Variants in ANKS3 observed in about 807,000 individuals in gnomAD.
ANKS3 encodes ankyrin repeat and sterile alpha motif domain containing 3.
Under a neutral mutation model 80.7 loss-of-function variants are expected in ANKS3, and 62 were observed. That is an observed-to-expected ratio of 0.77 (90% CI 0.63 to 0.95). The LOEUF is 0.95. Ranked by LOEUF, ANKS3 falls within the 40% of genes least tolerant of loss-of-function variation. The pLI, the probability that ANKS3 is intolerant of heterozygous loss-of-function variation, is 0.00. For missense variants in ANKS3, 1,150 were observed against 883.6 expected (o/e 1.30, Z -3.82); for synonymous variants, 489 against 355.3 (o/e 1.38, Z -4.23).
intron 7 of ANKS3, among the ~76,000 whole-genome samples, chr16:4,712,433 A>C (rs888706416): frequency 6.6e-6 from 1 of 152,160 alleles, no homozygotes; most frequent in Non-Finnish European, 1.5e-5. Context: ...CTTATGACTG[A>C]ATATCCATAG....
intron 3 of ANKS3, 60 bp downstream of exon 3, chr16:4,729,920 G>A (rs559711679): frequency 2.8e-5 from 38 of 1,379,448 alleles, no homozygotes; most frequent in Admixed American, 2.6e-5. Context: ...CCATCACGTG[G>A]GATCGAAGCC....
At chr16:4,731,102 G>A (rs2081593414) in intron 2 of ANKS3, among the ~76,000 whole-genome samples, 2 of 152,144 alleles carry the variant, frequency 1.3e-5, no homozygotes, top group Admixed American at 6.5e-5. Flanking sequence ...GAAGAAGCCT[G>A]CCTACAGTAT....
rs768027170 is a variant in ANKS3, at chr16:4,726,304, C to T, written c.491+355G>A. Reference sequence around the variant, plus strand: ...TGACTGTTTCAAAGCATCACCTCACCTCATCCATACAAAAAGCAAGAAAAT... The same window carrying T: ...TGACTGTTTCAAAGCATCACCTCACTTCATCCATACAAAAAGCAAGAAAAT... On this transcript the variant is annotated intron_variant, in intron 5 of 17. Coordinates refer to ENST00000304283, the MANE Select transcript of ANKS3 (RefSeq NM_133450.4). Among the ~76,000 whole-genome samples, 41 of 143,844 alleles carry T rather than the reference C, an allele frequency of 2.9e-4. No homozygotes were observed. In the Admixed American group the frequency reaches 2.9e-3, roughly 10 times the overall value. The allele number at this position is 143,844 out of a possible 152,430, so 94.4% of individuals were successfully genotyped here.
chr16:4,698,144 G>C, intron 14 of ANKS3, 82 bp from the exon 15 acceptor site: 5 of 1,441,892 alleles, frequency 3.5e-6, no homozygotes, highest in Non-Finnish European at 4.7e-6. Flanking sequence ...CTAGGGGAGG[G>C]AGGGGCTCAG....
chr16:4,733,827 G>C (rs1205675063), intron 1 of ANKS3, 111 bp downstream of exon 1: 1 of 678,596 alleles, frequency 1.5e-6, no homozygotes, highest in Non-Finnish European at 1.8e-6. Flanking sequence ...CACGCCCACA[G>C]AGGAGGTCTG....
intron 3 of ANKS3, 42 bp downstream of exon 3, chr16:4,729,938 C>T (rs369755503): frequency 9.0e-6 from 13 of 1,442,410 alleles, no homozygotes; most frequent in East Asian, 2.5e-5. Flanking sequence ...GCCATCACTG[C>T]GCTGCTCAAA....
chr16:4,716,606 G>A (rs998806297), intron 6 of ANKS3, among the ~76,000 whole-genome samples: 3 of 151,940 alleles, frequency 2.0e-5, no homozygotes, highest in Non-Finnish European at 4.4e-5. Flanking sequence ...AATTACCTAT[G>A]AGACTTTGTG....
At position 4,696,758 on chromosome 16, in the gene ANKS3, C is replaced by T. The variant is rs1596334362; in HGVS notation, c.*150G>A. Reference sequence around the variant, plus strand: ...GCCAGGGCCGCAGCCCCCGTCTTGCCTCTGTCTGCCGGCTGCTCCCGGGGC... The same window carrying T: ...GCCAGGGCCGCAGCCCCCGTCTTGCTTCTGTCTGCCGGCTGCTCCCGGGGC... On this transcript the variant is annotated 3_prime_UTR_variant, in exon 18 of 18. Transcript: ENST00000304283. 1 of 549,106 alleles carries T rather than the reference C, an allele frequency of 1.8e-6. No homozygotes were observed. The highest frequency in any genetic ancestry group is 2.1e-5 in the South Asian group (1 of 48,596). 34.0% of individuals were successfully genotyped at this position (549,106 alleles called of 1,614,324 possible).
At chr16:4,721,761 C>T (rs2081113884) in intron 6 of ANKS3, among the ~76,000 whole-genome samples, 2 of 151,082 alleles carry the variant, frequency 1.3e-5, no homozygotes, top group African/African-American at 4.8e-5. Context: ...GTCTCAGCCT[C>T]CCAAGTAGCT....
At chr16:4,730,263 G>A in intron 2 of ANKS3, 112 bp from the exon 3 acceptor site, 1 of 1,022,232 alleles carries the variant, frequency 9.8e-7, no homozygotes, top group Non-Finnish European at 1.3e-6. Flanking sequence ...ATAACCCAGT[G>A]CAGTCAACCC....
intron 6 of ANKS3, among the ~76,000 whole-genome samples, chr16:4,723,171 A>T (rs2081188567): frequency 6.6e-6 from 1 of 152,164 alleles, no homozygotes; most frequent in South Asian, 2.1e-4. Flanking sequence ...TAAAGATATA[A>T]TCCACATACC....
chr16:4,700,072 A>C (rs1282947932), intron 11 of ANKS3: 2 of 152,512 alleles, frequency 1.3e-5, no homozygotes, highest in African/African-American at 4.8e-5. Flanking sequence ...GGCAAATCCA[A>C]GGCTCTACTG....
At chr16:4,724,920 C>T (rs2081280900) in intron 5 of ANKS3, 89 bp from the exon 6 acceptor site, 1 of 1,091,720 alleles carries the variant, frequency 9.2e-7, no homozygotes, top group Non-Finnish European at 1.4e-6. Flanking sequence ...CTGAGCAGTG[C>T]ACGAGTCACC....
intron 6 of ANKS3, among the ~76,000 whole-genome samples, chr16:4,722,077 G>C (rs2081130593): frequency 6.6e-6 from 1 of 151,406 alleles, no homozygotes; most frequent in African/African-American, 2.4e-5. Flanking sequence ...GGGTGCCAAG[G>C]AGACGCAGGC....
intron 6 of ANKS3, among the ~76,000 whole-genome samples, chr16:4,716,645 C>A (rs1187717225): frequency 6.6e-6 from 1 of 152,146 alleles, no homozygotes; most frequent in Non-Finnish European, 1.5e-5. Context: ...AGGCCGGGCA[C>A]AGTGGCTCAC....
rs376181627 is a variant in ANKS3, at chr16:4,699,036, G to C, written c.1409+16C>G. On this transcript the variant is annotated intron_variant, in intron 12 of 17. Coordinates refer to ENST00000304283, the MANE Select transcript of ANKS3 (RefSeq NM_133450.4). ...CAACCCCGGGCTGAGGGCCAGAGCG[G>C]CCCTTCTGGACGCACGTGATGCCAA... 2.7e-4 allele frequency: 441 copies of C among 1,614,072 alleles called. No homozygotes were observed. Among genetic ancestry groups the C allele is most frequent in the Non-Finnish European group, 3.2e-4 (383 of 1,180,054 alleles).
chr16:4,715,551 G>C (rs572811807), intron 6 of ANKS3, among the ~76,000 whole-genome samples: 1 of 152,234 alleles, frequency 6.6e-6, no homozygotes, highest in Middle Eastern at 3.4e-3. Context: ...AGCTGAGATC[G>C]CACCACTGTA....
chr16:4,698,233 G>C (rs1439975352), intron 14 of ANKS3, 171 bp from the exon 15 acceptor site: 1 of 1,109,964 alleles, frequency 9.0e-7, no homozygotes, highest in African/African-American at 1.6e-5. Context: ...GGCGACCGGT[G>C]CAGATTCCCG....
intron 6 of ANKS3, 87 bp downstream of exon 6, chr16:4,724,663 G>T: frequency 5.3e-6 from 7 of 1,311,020 alleles, no homozygotes; most frequent in African/African-American, 1.5e-5. Flanking sequence ...TCTGTGCAAA[G>T]GAAAATTCTG....
Sources: allele counts gnomAD v4.1 joint callset (sites outside exome capture counted in the v4.1 genomes callset), GRCh38; gene constraint gnomAD v4.1.1; transcripts MANE v1.5; gene names NCBI Gene and HGNC (gene_info 2026-07-23, HGNC 2026-07-21).